DLG1: variants seen among roughly 807,000 people sequenced by gnomAD.
DLG1 encodes disks large homolog 1.
DLG1 carries 42 observed loss-of-function variants against 123.4 expected under a neutral mutation model. That is an observed-to-expected ratio of 0.34 (90% CI 0.27 to 0.44). The LOEUF (loss-of-function observed/expected upper bound fraction) is 0.44, where lower values mean the gene tolerates loss of function less well. Ranked by LOEUF, DLG1 falls within the 20% of genes least tolerant of loss-of-function variation. The probability of loss-of-function intolerance (pLI) is 1.00; values close to 1 mark genes in which losing one functional copy is unlikely to be tolerated. For missense variants in DLG1, 942 were observed against 1,082.6 expected (o/e 0.87, Z 1.82); for synonymous variants, 317 against 356.2 (o/e 0.89, Z 1.24).
chr3:197,153,965 A>T (rs1284209656), intron 5 of DLG1, among the ~76,000 whole-genome samples: 2 of 152,194 alleles, frequency 1.3e-5, no homozygotes, highest in Admixed American at 1.3e-4. Context: ...AACAAGAATA[A>T]GTGGCTTATT....
intron 20 of DLG1, among the ~76,000 whole-genome samples, chr3:197,066,238 T>C (rs1270493168): frequency 1.3e-5 from 2 of 152,112 alleles, no homozygotes; most frequent in Non-Finnish European, 1.5e-5. Flanking sequence ...GTGTAAACTC[T>C]GGGTGGTCTG....
chr3:197,230,543 C>T (rs1331421655), intron 4 of DLG1, among the ~76,000 whole-genome samples: 1 of 152,110 alleles, frequency 6.6e-6, no homozygotes, highest in Non-Finnish European at 1.5e-5. Context: ...CAAGGGTAAG[C>T]TAACAAATTT....
At chr3:197,244,501 C>A (rs538896792) in intron 4 of DLG1, among the ~76,000 whole-genome samples, 1 of 151,932 alleles carries the variant, frequency 6.6e-6, no homozygotes, top group Non-Finnish European at 1.5e-5. Flanking sequence ...TTTACCTCTA[C>A]GACGGCCACT....
intron 12 of DLG1, among the ~76,000 whole-genome samples, chr3:197,117,851 A>C (rs865832794): frequency 5.9e-5 from 9 of 152,226 alleles, no homozygotes; most frequent in Admixed American, 2.0e-4. Flanking sequence ...AATTTTTAAA[A>C]ACTGATGTAA....
At chr3:197,155,225 A>C (rs1795830373) in intron 5 of DLG1, among the ~76,000 whole-genome samples, 2 of 152,224 alleles carry the variant, frequency 1.3e-5, no homozygotes, top group African/African-American at 4.8e-5. Context: ...GATTATCAGC[A>C]GACTTCACAT....
intron 4 of DLG1, among the ~76,000 whole-genome samples, chr3:197,230,753 G>T (rs963121657): frequency 3.0e-4 from 46 of 152,234 alleles, no homozygotes; most frequent in African/African-American, 7.2e-4. Context: ...GTAAACAATT[G>T]TAATTCCTAC....
intron 8 of DLG1, 116 bp from the exon 9 acceptor site, chr3:197,138,507 C>CTCTT: frequency 7.3e-6 from 3 of 413,018 alleles, no homozygotes; most frequent in Non-Finnish European, 1.1e-5. Context: ...ATAAATAATT[C>CTCTT]TGGAGTAATT....
intron 24 of DLG1, among the ~76,000 whole-genome samples, chr3:197,046,556 G>A (rs1443225046): frequency 1.3e-5 from 2 of 152,168 alleles, no homozygotes; most frequent in African/African-American, 4.8e-5. Context: ...AATCCAAATT[G>A]AGGGAGGGAC....
chr3:197,222,706 A>G (rs555026772), intron 4 of DLG1, among the ~76,000 whole-genome samples: 183 of 152,302 alleles, frequency 1.2e-3, no homozygotes, highest in African/African-American at 4.2e-3. Flanking sequence ...CAAGGCTTTA[A>G]CACCTTACAC....
intron 5 of DLG1, among the ~76,000 whole-genome samples, chr3:197,173,437 C>T (rs753450995): frequency 1.3e-5 from 2 of 152,008 alleles, no homozygotes; most frequent in African/African-American, 2.4e-5. Flanking sequence ...AGACAGACTC[C>T]GCATGGAGGT....
chr3:197,145,079 A>ACACT (rs1402394640), intron 6 of DLG1, among the ~76,000 whole-genome samples: 1 of 151,796 alleles, frequency 6.6e-6, no homozygotes, highest in African/African-American at 2.4e-5. Context: ...ACACACACAC[A>ACACT]CGTAAAATCT....
chr3:197,297,641 C>T, intron 1 of DLG1: 1 of 997,068 alleles, frequency 1.0e-6, no homozygotes, highest in Non-Finnish European at 1.2e-6. Flanking sequence ...GACTGGCCGC[C>T]CGCCCTGCTC....
Position 197,112,595 on chromosome 3 carries a change from CT to C in DLG1, c.1443+3331del, listed in dbSNP as rs941440664. ...GCTTGCCTATTTGGTTTTTTTCTTT[CT>C]TTTTTTTTGAGACAGGGTGTTGCTC... is the stretch of plus-strand genomic sequence containing the variant. On this transcript the variant is annotated intron_variant, in intron 13 of 24. Coordinates refer to ENST00000667157, the MANE Select transcript of DLG1 (RefSeq NM_001366207.1). Among the ~76,000 whole-genome samples, 769 of 150,234 alleles carry C rather than the reference CT, an allele frequency of 5.1e-3. 3 individuals carry two copies. The highest frequency in any genetic ancestry group is 0.017 in the African/African-American group (709 of 40,938).
intron 4 of DLG1, among the ~76,000 whole-genome samples, chr3:197,205,475 G>C (rs1486402028): frequency 6.6e-6 from 1 of 151,870 alleles, no homozygotes; most frequent in Non-Finnish European, 1.5e-5. Flanking sequence ...TGTCAGAATA[G>C]GTAAATATCA....
chr3:197,258,322 T>C (rs1056701763), intron 4 of DLG1, among the ~76,000 whole-genome samples: 2 of 151,556 alleles, frequency 1.3e-5, no homozygotes, highest in Non-Finnish European at 2.9e-5. Context: ...AGACCAAGAT[T>C]TGGCAGTTCA....
chr3:197,092,541 C>A (rs1189590729), intron 14 of DLG1, among the ~76,000 whole-genome samples: 1 of 152,150 alleles, frequency 6.6e-6, no homozygotes, highest in East Asian at 1.9e-4. Flanking sequence ...TGCCCTGTTG[C>A]CCAGGCTGGA....
intron 14 of DLG1, among the ~76,000 whole-genome samples, chr3:197,094,243 C>T (rs1292450247): frequency 1.3e-5 from 2 of 152,200 alleles, no homozygotes; most frequent in Non-Finnish European, 2.9e-5. Context: ...AGAATCCTGC[C>T]TGAATTCCTA....
chr3:197,195,158 A>G (rs1721782919), intron 4 of DLG1, among the ~76,000 whole-genome samples: 1 of 152,036 alleles, frequency 6.6e-6, no homozygotes, highest in African/African-American at 2.4e-5. Context: ...AAATAAAGAC[A>G]CACTGAGATA....
chr3:197,297,958 C>T (rs1778329932), intron 1 of DLG1: 2 of 979,490 alleles, frequency 2.0e-6, no homozygotes, highest in Admixed American at 6.2e-5. Flanking sequence ...CTCCCCTGGG[C>T]CGCCGCACCC....
Sources: allele counts gnomAD v4.1 joint callset (sites outside exome capture counted in the v4.1 genomes callset), GRCh38; gene constraint gnomAD v4.1.1; transcripts MANE v1.5; gene names NCBI Gene and HGNC (gene_info 2026-07-23, HGNC 2026-07-21).